The following AGAP1 variants were observed in gnomAD, a reference collection of about 807,000 sequenced individuals.
AGAP1 encodes ArfGAP with GTPase domain, ankyrin repeat and PH domain 1.
In AGAP1, 29 loss-of-function variants were observed where a neutral mutation model predicts 105.3. The ratio of observed to expected loss-of-function variants is 0.28; its 90% CI spans 0.21 to 0.38. The LOEUF (loss-of-function observed/expected upper bound fraction) is 0.38. Among genes scored for constraint, AGAP1 ranks in the 10% least tolerant of loss-of-function variants. AGAP1 has a pLI of 1.00. For synonymous variants in AGAP1, 509 were observed against 485.9 expected (o/e 1.05, Z -0.63); for missense variants, 998 against 1,165.1 (o/e 0.86, Z 2.09).
rs1269423492 is a variant in AGAP1 at position 235,769,688 on chromosome 2, C to T, written c.673+19200C>T. On this transcript the variant is annotated intron_variant, in intron 6 of 17. Coordinates refer to ENST00000304032, the MANE Select transcript of AGAP1 (RefSeq NM_001037131.3). This position sits in a 1 kb window ranked among gnomAD's most constrained non-coding sequence, Gnocchi z 4.4. ...CTGTAAAATATCGTGGTCAAAATCT[C>T]GGGGAGGCAGTGAAAAAAAAACGAA... 6.6e-6 allele frequency among the ~76,000 whole-genome samples: 1 copy of T among 151,840 alleles called. No homozygotes were observed. The highest frequency in any genetic ancestry group is 6.6e-5 in the Admixed American group (1 of 15,246).
Position 235,728,243 on chromosome 2 carries a change from G to A in AGAP1, c.310+10599G>A, listed in dbSNP as rs10170594. On this transcript the variant is annotated intron_variant, in intron 3 of 17. Coordinates refer to ENST00000304032, the MANE Select transcript of AGAP1 (RefSeq NM_001037131.3). The surrounding 1 kb of genome is among the most constrained non-coding windows in gnomAD (Gnocchi z 4.3). ...TAGTGAAAGTGCCCCCAAGCTCCCC[G>A]CTCCATTTCATGTGCTACTGGCTGG... is the stretch of plus-strand genomic sequence containing the variant. Among the ~76,000 whole-genome samples the A allele has an allele frequency of 7.6e-3, 1,150 of 151,988 alleles. 18 individuals are homozygous for A. Among genetic ancestry groups the A allele is most frequent in the African/African-American group, 0.027 (1,106 of 41,422 alleles).
intron 1 of AGAP1, among the ~76,000 whole-genome samples, chr2:235,547,909 G>C (rs1343961936): frequency 1.3e-5 from 2 of 152,222 alleles, no homozygotes; most frequent in African/African-American, 4.8e-5. Context: ...CTTGGTGTCT[G>C]TGCGTTGAAC....
At chr2:235,778,837 A>G (rs1162427587) in intron 6 of AGAP1, among the ~76,000 whole-genome samples, 2 of 152,126 alleles carry the variant, frequency 1.3e-5, no homozygotes, top group Non-Finnish European at 2.9e-5. Context: ...CATATTAGGG[A>G]TGCCAGCCCG....
At position 235,793,235 on chromosome 2, in the gene AGAP1, C is replaced by T. The variant is rs529242719; in HGVS notation, c.674-4524C>T. 3.0e-4 allele frequency among the ~76,000 whole-genome samples: 46 copies of T among 152,298 alleles called. No individual in the cohort carries two copies. Among genetic ancestry groups the T allele is most frequent in the Non-Finnish European group, 5.6e-4 (38 of 68,032 alleles). On this transcript the variant is annotated intron_variant, in intron 6 of 17. Coordinates refer to ENST00000304032, the MANE Select transcript of AGAP1 (RefSeq NM_001037131.3). The surrounding 1 kb of genome is among the most constrained non-coding windows in gnomAD (Gnocchi z 5.3). ...GAGAGGCAGAGTCGAGCAGCATCCC[C>T]GGGCTTTCCAGAAGGCCTGGCTGGG...
intron 1 of AGAP1, among the ~76,000 whole-genome samples, chr2:235,685,638 A>G (rs944648491): frequency 2.7e-4 from 41 of 152,030 alleles, no homozygotes; most frequent in African/African-American, 9.2e-4. Flanking sequence ...TCAAAACACA[A>G]TGAAAAATGA....
At chr2:235,826,303 A>G (rs776760361) in intron 9 of AGAP1, among the ~76,000 whole-genome samples, 6 of 152,246 alleles carry the variant, frequency 3.9e-5, no homozygotes, top group Non-Finnish European at 8.8e-5. Flanking sequence ...CTGCCAACTC[A>G]GAGATGCTGC....
intron 9 of AGAP1, among the ~76,000 whole-genome samples, chr2:235,880,753 A>T (rs542517511): frequency 1.3e-4 from 20 of 151,868 alleles, no homozygotes; most frequent in Admixed American, 1.2e-3. Flanking sequence ...AAAAAAAAAA[A>T]CAAAAAAAGA....
At position 235,609,586 on chromosome 2, in the gene AGAP1, G is replaced by A. The variant is rs1018154874; in HGVS notation, c.164-99593G>A. On this transcript the variant is annotated intron_variant, in intron 1 of 17. Coordinates refer to ENST00000304032, the MANE Select transcript of AGAP1 (RefSeq NM_001037131.3). This position sits in a 1 kb window ranked among gnomAD's most constrained non-coding sequence, Gnocchi z 5.1. ...AAGGCCTGCTCCTCACTTTGACCCC[G>A]GACCTGCATGCGCGCTGAGGATGGC... Among the ~76,000 whole-genome samples, 7 of 152,086 alleles carry A rather than the reference G, an allele frequency of 4.6e-5. No homozygotes were observed. The highest frequency in any genetic ancestry group is 3.9e-4 in the East Asian group (2 of 5,174).
intron 12 of AGAP1, among the ~76,000 whole-genome samples, chr2:235,948,909 G>A (rs1045465992): frequency 5.3e-5 from 8 of 152,230 alleles, no homozygotes; most frequent in African/African-American, 1.9e-4. Context: ...CCCGTGTCCA[G>A]TAAAGCAGAC....
At chr2:235,677,828 A>C (rs909392230) in intron 1 of AGAP1, among the ~76,000 whole-genome samples, 2 of 146,756 alleles carry the variant, frequency 1.4e-5, no homozygotes, top group Non-Finnish European at 3.0e-5. Flanking sequence ...AGAATCACTC[A>C]GATATCACTT....
chr2:235,525,396 CACATA>C (rs1367124686), intron 1 of AGAP1, among the ~76,000 whole-genome samples: 1 of 11,900 alleles, frequency 8.4e-5, no homozygotes, highest in Non-Finnish European at 1.7e-4. Flanking sequence ...AGAGGACTGA[CACATA>C]ATGTGGAGGA....
At chr2:235,681,396 G>T (rs1159680040) in intron 1 of AGAP1, among the ~76,000 whole-genome samples, 1 of 152,152 alleles carries the variant, frequency 6.6e-6, no homozygotes, top group Non-Finnish European at 1.5e-5. Flanking sequence ...CAAACCTGGT[G>T]CCATGCTAGA....
chr2:236,090,315 A>ATGAT lies in AGAP1; in HGVS notation c.2115-29876_2115-29873dup, dbSNP rs1412316316. 3.9e-5 allele frequency among the ~76,000 whole-genome samples: 6 copies of ATGAT among 152,258 alleles called. No homozygotes were observed. Among genetic ancestry groups the ATGAT allele is most frequent in the African/African-American group, 1.4e-4 (6 of 41,472 alleles). On this transcript the variant is annotated intron_variant, in intron 16 of 17. Transcript: ENST00000304032. The surrounding 1 kb of genome is among the most constrained non-coding windows in gnomAD (Gnocchi z 4.3). ...ATAGCCACCCTCTTATTTCAAGAGC[A>ATGAT]TGATAGAAATATTCAGAAGCAGACA...
intron 16 of AGAP1, among the ~76,000 whole-genome samples, chr2:236,118,331 T>C (rs1386896218): frequency 6.6e-6 from 1 of 152,042 alleles, no homozygotes; most frequent in African/African-American, 2.4e-5. Context: ...TATTAAAGTC[T>C]CTATGGGTAA....
chr2:235,978,225 A>T (rs1328731665), intron 13 of AGAP1, among the ~76,000 whole-genome samples: 1 of 152,250 alleles, frequency 6.6e-6, no homozygotes, highest in Non-Finnish European at 1.5e-5. Context: ...ACAAACATTC[A>T]GTCTGTAGGA....
At chr2:235,515,606 C>G (rs544606775) in intron 1 of AGAP1, among the ~76,000 whole-genome samples, 1 of 152,114 alleles carries the variant, frequency 6.6e-6, no homozygotes, top group African/African-American at 2.4e-5. Context: ...TTCAGTGTTT[C>G]CTTGTAATTT....
At position 235,930,934 on chromosome 2, in the gene AGAP1, G is replaced by A; in HGVS notation, c.1483+11G>A. On this transcript the variant is annotated intron_variant, in intron 12 of 17. Coordinates refer to ENST00000304032, the MANE Select transcript of AGAP1 (RefSeq NM_001037131.3). This position sits in a 1 kb window ranked among gnomAD's most constrained non-coding sequence, Gnocchi z 7.9. The stretch of plus-strand genomic sequence containing the variant: ...CGGCCATCAGCAGTGGTAAGAGGGG[G>A]CTCAGCCCCACGGACCCGCAGCCAC... 1 of 1,612,262 alleles carries A rather than the reference G, an allele frequency of 6.2e-7. No individual in the cohort carries two copies. Among genetic ancestry groups the A allele is most frequent in the Non-Finnish European group, 8.5e-7 (1 of 1,179,094 alleles).
Position 236,020,859 on chromosome 2 carries a change from C to CA in AGAP1, c.1646-15701dup, listed in dbSNP as rs1275327631. On this transcript the variant is annotated intron_variant, in intron 13 of 17. Transcript: ENST00000304032. This position sits in a 1 kb window ranked among gnomAD's most constrained non-coding sequence, Gnocchi z 5.0. ...GCCACCCCTCCTCAGTGATGAGCAG[C>CA]ACCAACTAAGAACTAATGCAGGTAG... is the stretch of plus-strand genomic sequence containing the variant. Among the ~76,000 whole-genome samples, 3 of 152,138 alleles carry CA rather than the reference C, an allele frequency of 2.0e-5. No individual in the cohort carries two copies. The highest frequency in any genetic ancestry group is 7.2e-5 in the African/African-American group (3 of 41,422).
At position 235,788,372 on chromosome 2, in the gene AGAP1, C is replaced by T. The variant is rs1302947099; in HGVS notation, c.674-9387C>T. Among the ~76,000 whole-genome samples the T allele has an allele frequency of 6.6e-6, 1 of 152,030 alleles. No individual in the cohort carries two copies. The highest frequency in any genetic ancestry group is 2.4e-5 in the African/African-American group (1 of 41,380). ...CACCAAAAGGATAAACAGCTAGGAGCCCACTAGTAAGCCAGGATGGTGTGG... is the reference window on the plus strand; with the variant it reads ...CACCAAAAGGATAAACAGCTAGGAGTCCACTAGTAAGCCAGGATGGTGTGG... On this transcript the variant is annotated intron_variant, in intron 6 of 17. Transcript: ENST00000304032. The surrounding 1 kb of genome is among the most constrained non-coding windows in gnomAD (Gnocchi z 6.0).
Sources: allele counts gnomAD v4.1 joint callset (sites outside exome capture counted in the v4.1 genomes callset), GRCh38; gene constraint gnomAD v4.1.1; non-coding constraint Gnocchi (gnomAD v3.1); transcripts MANE v1.5; gene names NCBI Gene and HGNC (gene_info 2026-07-23, HGNC 2026-07-21).